The following CCDC190 variants were observed in gnomAD, a reference collection of about 807,000 sequenced individuals.
CCDC190 encodes the protein coiled-coil domain-containing protein 190.
CCDC190 carries 10 observed loss-of-function variants against 13.1 expected under a neutral mutation model. The ratio of observed to expected loss-of-function variants is 0.77; its 90% CI spans 0.47 to 1.30. The LOEUF is 1.30. CCDC190 is among the 50% of genes most tolerant of loss of function. The pLI, the probability that CCDC190 is intolerant of heterozygous loss-of-function variation, is 0.00. For synonymous variants in CCDC190, 136 were observed against 127.2 expected, an observed-to-expected ratio of 1.07 and a Z score of -0.47; for missense variants, 375 against 354.3, an observed-to-expected ratio of 1.06 and a Z score of -0.47.
upstream of CCDC190, among the ~76,000 whole-genome samples, chr1:162,864,870 A>G (rs928568592): frequency 6.6e-6 from 1 of 152,116 alleles, no homozygotes; most frequent in African/African-American, 2.4e-5. Flanking sequence ...ATAAATGGCA[A>G]GATGATAGAT....
chr1:162,866,817 A>T (rs1049956772), intron 1 of CCDC190, among the ~76,000 whole-genome samples: 1 of 152,148 alleles, frequency 6.6e-6, no homozygotes, highest in Admixed American at 6.5e-5. Context: ...TTTTAGAAAG[A>T]AACACCAATA....
intron 2 of CCDC190, among the ~76,000 whole-genome samples, chr1:162,858,605 C>T (rs1017266393): frequency 6.6e-6 from 1 of 152,204 alleles, no homozygotes; most frequent in Non-Finnish European, 1.5e-5. Flanking sequence ...CAGCACCTGG[C>T]CTTCCTCTTG....
chr1:162,863,747 G>A (rs1021508591), upstream of CCDC190, among the ~76,000 whole-genome samples: 4 of 152,258 alleles, frequency 2.6e-5, no homozygotes, highest in East Asian at 1.9e-4. Context: ...GAGGCCGGGC[G>A]CAGTGGCTCA....
chr1:162,858,548 A>G (rs887017627), intron 2 of CCDC190, among the ~76,000 whole-genome samples: 1 of 152,142 alleles, frequency 6.6e-6, no homozygotes, highest in Non-Finnish European at 1.5e-5. Context: ...CTTGGCCTTT[A>G]TGTCATGTAT....
At chr1:162,858,772 T>C (rs967955531) in intron 2 of CCDC190, among the ~76,000 whole-genome samples, 7 of 152,230 alleles carry the variant, frequency 4.6e-5, no homozygotes, top group African/African-American at 1.4e-4. Context: ...AGAACTAGTT[T>C]CTACAGACTG....
At chr1:162,859,140 T>C (rs1650410867) in intron 2 of CCDC190, among the ~76,000 whole-genome samples, 1 of 151,818 alleles carries the variant, frequency 6.6e-6, no homozygotes, top group African/African-American at 2.4e-5. Flanking sequence ...GCCCAGATAA[T>C]GAAAGAAAAG....
rs1650257382 is a variant in CCDC190 at position 162,855,211 on chromosome 1, G to T, written c.460C>A (p.Pro154Thr). 1 of 1,613,860 alleles carries T rather than the reference G, an allele frequency of 6.2e-7. No homozygotes were observed. Among genetic ancestry groups the T allele is most frequent in the African/African-American group, 1.3e-5 (1 of 74,920 alleles). Residue 154 changes from proline to threonine, a missense_variant, in exon 4 of 4, where the codon CCA (proline) becomes ACA (threonine). Coordinates refer to ENST00000367912, the MANE Select transcript of CCDC190 (RefSeq NM_001394065.1). Reference protein sequence around the residue: ...NRTACFIKEQPQAQEKDSVNP... With the variant: ...NRTACFIKEQTQAQEKDSVNP... ...ACAGAATCTTTCTCTTGGGCTTGTGGTTGCTCTTTTATGAAGCAGGCAGTT... is the reference window on the plus strand; with the variant it reads ...ACAGAATCTTTCTCTTGGGCTTGTGTTTGCTCTTTTATGAAGCAGGCAGTT...
chr1:162,854,732 T>C lies in CCDC190; in HGVS notation c.*33A>G, dbSNP rs1282755388. The C allele has an allele frequency of 6.4e-7, 1 of 1,558,384 alleles. No homozygotes were observed. Among genetic ancestry groups the C allele is most frequent in the South Asian group, 1.2e-5 (1 of 82,382 alleles). ...GAGGAACACATTTCCTTAGCAATAA[T>C]GGCATATGTTATTGTCAGGCTATGT... On this transcript the variant is annotated 3_prime_UTR_variant, in exon 4 of 4. Transcript: ENST00000367912.
At chr1:162,861,447 T>C (rs1341228459), upstream of CCDC190, among the ~76,000 whole-genome samples, 1 of 152,108 alleles carries the variant, frequency 6.6e-6, no homozygotes, top group Admixed American at 6.6e-5. Flanking sequence ...ATTTTTTTTT[T>C]TTCTCTCTTT....
rs763024417 is a variant in CCDC190 at position 162,859,503 on chromosome 1, C to T, written c.144G>A (p.Trp48Ter). The change falls in exon 2 of 4, where the codon TGG becomes TGA. Residue 48 changes from tryptophan (W) to a stop codon, truncating the protein, a stop_gained. Coordinates refer to ENST00000367912, the MANE Select transcript of CCDC190 (RefSeq NM_001394065.1). LOFTEE classifies it high-confidence loss of function. ...GTTCTTTTTGGAGCTGCCTCTGCTC[C>T]CAGGTCAGCAATTTCACATGGTAGA... ...ICLYHVKLLT[W>*]EQRQLQKELQ... is the part of the protein sequence containing the mutation. The T allele has an allele frequency of 1.5e-5, 24 of 1,613,528 alleles. No individual in the cohort carries two copies. Among genetic ancestry groups the T allele is most frequent in the Middle Eastern group, 1.6e-4 (1 of 6,082 alleles).
Position 162,852,916 on chromosome 1 carries a change from A to G in CCDC190, c.*1849T>C. The G allele has an allele frequency of 1.7e-6, 1 of 576,800 alleles. No homozygotes were observed. The highest frequency in any genetic ancestry group is 3.1e-6 in the Non-Finnish European group (1 of 320,140). 35.7% of individuals were successfully genotyped at this position (576,800 alleles called of 1,614,324 possible). ...AAGGCTTGCGTAGAAGACAAGAAGA[A>G]AGAACTTTTAGGAAAGAGCTTGCGC... On this transcript the variant is annotated 3_prime_UTR_variant, in exon 4 of 4. Coordinates refer to ENST00000367912, the MANE Select transcript of CCDC190 (RefSeq NM_001394065.1).
intron 2 of CCDC190, among the ~76,000 whole-genome samples, chr1:162,857,374 C>T (rs1650339064): frequency 1.3e-5 from 2 of 152,206 alleles, no homozygotes; most frequent in South Asian, 4.1e-4. Flanking sequence ...TCAAACCCTA[C>T]AGGGTGAACT....
At position 162,859,453 on chromosome 1, in the gene CCDC190, G is replaced by C; in HGVS notation, c.187+7C>G. 6.2e-7 allele frequency: 1 copy of C among 1,611,822 alleles called. No individual in the cohort carries two copies. The highest frequency in any genetic ancestry group is 8.5e-7 in the Non-Finnish European group (1 of 1,178,884). ...GGCATCCTCCTCACCAGTCCTGAAA[G>C]TCTTACCTTGCTGCAACCTCTGCAG... On this transcript the variant is annotated splice_region_variant and intron_variant, in intron 2 of 3. Coordinates refer to ENST00000367912, the MANE Select transcript of CCDC190 (RefSeq NM_001394065.1).
At position 162,854,733 on chromosome 1, in the gene CCDC190, G is replaced by A. The variant is rs749076058; in HGVS notation, c.*32C>T. ...AGGAACACATTTCCTTAGCAATAAT[G>A]GCATATGTTATTGTCAGGCTATGTT... On this transcript the variant is annotated 3_prime_UTR_variant, in exon 4 of 4. Coordinates refer to ENST00000367912, the MANE Select transcript of CCDC190 (RefSeq NM_001394065.1). The A allele has an allele frequency of 3.2e-6, 5 of 1,561,752 alleles. No individual in the cohort carries two copies. The highest frequency in any genetic ancestry group is 4.3e-6 in the Non-Finnish European group (5 of 1,153,108).
intron 1 of CCDC190, among the ~76,000 whole-genome samples, chr1:162,867,746 T>TCAGCAATAAAAATAAAAATA (rs1370640462): frequency 1.2e-4 from 19 of 152,286 alleles, no homozygotes; most frequent in African/African-American, 4.6e-4. Context: ...GGAATACCAC[T>TCAGCAATAAAAATAAAAATA]CAGCAATAAA....
At chr1:162,862,122 G>T (rs1650544327), upstream of CCDC190, among the ~76,000 whole-genome samples, 1 of 152,098 alleles carries the variant, frequency 6.6e-6, no homozygotes, top group South Asian at 2.1e-4. Flanking sequence ...TGCCACACAA[G>T]GAGAGACCAG....
chr1:162,862,892 T>C (rs1510312), upstream of CCDC190, among the ~76,000 whole-genome samples: 31,951 of 151,860 alleles, frequency 0.21, 3,644 homozygotes, highest in African/African-American at 0.3. Flanking sequence ...ATCTCCAAAC[T>C]TCCTGGAGTC....
At position 162,851,619 on chromosome 1, in the gene CCDC190, G is replaced by A. The variant is rs960091333; in HGVS notation, c.*3146C>T. 22 of 152,160 alleles carry A rather than the reference G, an allele frequency of 1.4e-4. No homozygotes were observed. Among genetic ancestry groups the A allele is most frequent in the African/African-American group, 5.1e-4 (21 of 41,508 alleles). The allele number at this position is 152,160 out of a possible 1,614,324, so 9.4% of individuals were successfully genotyped here. ...CTTCTGGGAGTTTCCAGCTGCCTCT[G>A]CCTGTAGGTGAAAAATGGAATCTTT... On this transcript the variant is annotated 3_prime_UTR_variant, in exon 4 of 4. Coordinates refer to ENST00000367912, the MANE Select transcript of CCDC190 (RefSeq NM_001394065.1).
At chr1:162,863,329 T>C (rs1650585266), upstream of CCDC190, among the ~76,000 whole-genome samples, 1 of 152,190 alleles carries the variant, frequency 6.6e-6, no homozygotes. Flanking sequence ...GTTAAAAGTA[T>C]CTTTATCATA....
Sources: gnomAD v4.1 joint callset for allele counts (sites outside exome capture counted in the v4.1 genomes callset) on GRCh38, gnomAD v4.1.1 for gene constraint, MANE v1.5 for transcripts, NCBI Gene and HGNC (gene_info 2026-07-23, HGNC 2026-07-21) for gene names.